Variants in FBXL17 observed in about 807,000 individuals in gnomAD.
FBXL17 encodes F-box/LRR-repeat protein 17.
FBXL17 carries 22 observed loss-of-function variants against 66.2 expected under a neutral mutation model. The ratio of observed to expected loss-of-function variants is 0.33; its 90% CI spans 0.24 to 0.47. The LOEUF is 0.47. FBXL17 is among the 20% of genes least tolerant of loss of function. FBXL17 has a pLI of 1.00. For synonymous variants in FBXL17, 474 were observed against 400.5 expected (o/e 1.18, Z -2.19); for missense variants, 878 against 948.2 (o/e 0.93, Z 0.97).
chr5:108,022,416 T>C (rs1213158333), intron 6 of FBXL17, among the ~76,000 whole-genome samples: 1 of 152,006 alleles, frequency 6.6e-6, no homozygotes. Flanking sequence ...CAACATTTTA[T>C]ATGGTAAAAA....
At chr5:108,218,166 C>T (rs895788925) in intron 5 of FBXL17, among the ~76,000 whole-genome samples, 4 of 151,714 alleles carry the variant, frequency 2.6e-5, no homozygotes, top group African/African-American at 9.7e-5. Flanking sequence ...CTACCACGCC[C>T]ATCTAATTTT....
chr5:108,218,182 A>G (rs1014375368), intron 5 of FBXL17, among the ~76,000 whole-genome samples: 15 of 150,826 alleles, frequency 9.9e-5, no homozygotes, highest in Non-Finnish European at 2.1e-4. Context: ...ATTTTTTTAT[A>G]TTTTTTTAGT....
chr5:108,057,865 T>G (rs570657089), intron 6 of FBXL17, among the ~76,000 whole-genome samples: 1 of 152,344 alleles, frequency 6.6e-6, no homozygotes, highest in South Asian at 2.1e-4. Context: ...AACTGGCACA[T>G]TTTTTGAAAC....
At chr5:108,330,098 A>G (rs1580828360) in intron 4 of FBXL17, among the ~76,000 whole-genome samples, 1 of 152,232 alleles carries the variant, frequency 6.6e-6, no homozygotes, top group East Asian at 1.9e-4. Flanking sequence ...CCATATAGCT[A>G]ATAACCATGA....
intron 6 of FBXL17, among the ~76,000 whole-genome samples, chr5:108,090,832 A>T (rs763508782): frequency 6.6e-6 from 1 of 152,224 alleles, no homozygotes; most frequent in Non-Finnish European, 1.5e-5. Context: ...GGTTTCTCAG[A>T]GCACATACCT....
Position 108,131,608 on chromosome 5 carries a change from G to C in FBXL17, c.1745+54509C>G, listed in dbSNP as rs76317875. Among the ~76,000 whole-genome samples, 407 of 152,186 alleles carry C rather than the reference G, an allele frequency of 2.7e-3. 2 individuals are homozygous for C. Among genetic ancestry groups the C allele is most frequent in the African/African-American group, 9.5e-3 (396 of 41,544 alleles). ...CACTGTGTATTCCCTTATATTCTCA[G>C]AGCAGCAAGAGACCACTTTTTCATC... On this transcript the variant is annotated intron_variant, in intron 6 of 8. Coordinates refer to ENST00000542267, the MANE Select transcript of FBXL17 (RefSeq NM_001163315.3).
At chr5:108,247,090 T>C in intron 4 of FBXL17, among the ~76,000 whole-genome samples, 1 of 152,188 alleles carries the variant, frequency 6.6e-6, no homozygotes, top group Non-Finnish European at 1.5e-5. Flanking sequence ...CTGTCTAGTA[T>C]ATCTGTGTTT....
chr5:108,167,193 A>G (rs1376947306), intron 6 of FBXL17, among the ~76,000 whole-genome samples: 1 of 152,164 alleles, frequency 6.6e-6, no homozygotes, highest in Non-Finnish European at 1.5e-5. Flanking sequence ...CAGTGCTACC[A>G]TACCATAAGC....
intron 7 of FBXL17, among the ~76,000 whole-genome samples, chr5:107,975,831 A>G (rs1445395797): frequency 6.7e-6 from 1 of 150,220 alleles, no homozygotes; most frequent in African/African-American, 2.4e-5. Flanking sequence ...TTTTATTATG[A>G]TAATTAGAGG....
chr5:107,881,552 T>G (rs1211656528), intron 7 of FBXL17, among the ~76,000 whole-genome samples: 1 of 152,232 alleles, frequency 6.6e-6, no homozygotes, highest in Non-Finnish European at 1.5e-5. Context: ...AACTTTAATT[T>G]TTTTTTAAAG....
At chr5:107,973,226 T>C (rs992180891) in intron 7 of FBXL17, among the ~76,000 whole-genome samples, 1 of 152,208 alleles carries the variant, frequency 6.6e-6, no homozygotes, top group Non-Finnish European at 1.5e-5. Flanking sequence ...GCTAGCCTTT[T>C]CAGCCTTGTT....
intron 7 of FBXL17, among the ~76,000 whole-genome samples, chr5:107,945,501 G>T (rs1751253688): frequency 6.6e-6 from 1 of 152,122 alleles, no homozygotes; most frequent in Non-Finnish European, 1.5e-5. Flanking sequence ...AGTTGGGGTT[G>T]TTATATATAA....
chr5:108,206,943 TGTTTACC>T (rs1754146118), intron 5 of FBXL17, among the ~76,000 whole-genome samples: 1 of 152,164 alleles, frequency 6.6e-6, no homozygotes, highest in Non-Finnish European at 1.5e-5. Flanking sequence ...ATTACTAAAG[TGTTTACC>T]AAAGTAAACA....
chr5:108,288,071 T>A (rs1340231844), intron 4 of FBXL17, among the ~76,000 whole-genome samples: 4 of 151,736 alleles, frequency 2.6e-5, no homozygotes, highest in Non-Finnish European at 5.9e-5. Context: ...ACTGAGTACA[T>A]ATGAACATTA....
chr5:108,044,492 A>C (rs1747173593), intron 6 of FBXL17, among the ~76,000 whole-genome samples: 1 of 152,154 alleles, frequency 6.6e-6, no homozygotes, highest in African/African-American at 2.4e-5. Flanking sequence ...CCCGGGAATA[A>C]ATTCCAGTTG....
At chr5:107,877,951 A>G (rs1748662220) in intron 8 of FBXL17, among the ~76,000 whole-genome samples, 1 of 151,706 alleles carries the variant, frequency 6.6e-6, no homozygotes, top group Non-Finnish European at 1.5e-5. Flanking sequence ...CTCTATTCTT[A>G]TTTTTCACTA....
chr5:108,055,949 G>T (rs1747692633), intron 6 of FBXL17, among the ~76,000 whole-genome samples: 1 of 152,124 alleles, frequency 6.6e-6, no homozygotes, highest in Non-Finnish European at 1.5e-5. Context: ...GATGATCAAG[G>T]TTATAGAGAG....
At chr5:108,059,213 A>G (rs1303072246) in intron 6 of FBXL17, among the ~76,000 whole-genome samples, 3 of 152,224 alleles carry the variant, frequency 2.0e-5, no homozygotes, top group African/African-American at 7.2e-5. Context: ...CAATTACCAC[A>G]GAGTGAAACC....
At chr5:108,275,824 A>T (rs759544453) in intron 4 of FBXL17, among the ~76,000 whole-genome samples, 7 of 152,212 alleles carry the variant, frequency 4.6e-5, no homozygotes, top group African/African-American at 9.6e-5. Flanking sequence ...AGCTGTGCTT[A>T]ATGAACAACA....
Sources: gnomAD v4.1 joint callset for allele counts (sites outside exome capture counted in the v4.1 genomes callset) on GRCh38, gnomAD v4.1.1 for gene constraint, MANE v1.5 for transcripts, NCBI Gene and HGNC (gene_info 2026-07-23, HGNC 2026-07-21) for gene names.